Variants in CACNA2D1 observed in about 807,000 individuals in gnomAD.
The protein encoded by CACNA2D1 is calcium voltage-gated channel auxiliary subunit alpha2delta 1, also known as voltage-dependent calcium channel subunit alpha-2/delta-1.
A neutral mutation model predicts 171.5 loss-of-function variants in CACNA2D1; 53 were observed. That is an observed-to-expected ratio of 0.31 (90% CI 0.25 to 0.39). The LOEUF is 0.39. CACNA2D1 is among the 10% of genes least tolerant of loss of function. The pLI is 1.00. For synonymous variants in CACNA2D1, 442 were observed against 443.1 expected (o/e 1.00, Z 0.03); for missense variants, 903 against 1,299.8 (o/e 0.69, Z 4.69).
intron 4 of CACNA2D1, among the ~76,000 whole-genome samples, chr7:82,138,155 T>C (rs1791897540): frequency 6.6e-6 from 1 of 152,116 alleles, no homozygotes; most frequent in African/African-American, 2.4e-5. Context: ...TTTCTCAGTT[T>C]ATTTACCACA....
intron 10 of CACNA2D1, among the ~76,000 whole-genome samples, chr7:82,040,664 G>C (rs1803844568): frequency 6.6e-6 from 1 of 152,058 alleles, no homozygotes; most frequent in African/African-American, 2.4e-5. Context: ...TGGAGACAGG[G>C]AAGATGGGGA....
intron 35 of CACNA2D1, 95 bp from the exon 36 acceptor site, chr7:81,962,118 A>AT (rs1291066198): frequency 2.5e-6 from 3 of 1,206,350 alleles, no homozygotes; most frequent in Non-Finnish European, 3.7e-6. Flanking sequence ...ACAGAGCAAA[A>AT]TAAACGTATA....
At chr7:82,186,780 T>C (rs1423618981) in intron 3 of CACNA2D1, among the ~76,000 whole-genome samples, 1 of 152,168 alleles carries the variant, frequency 6.6e-6, no homozygotes, top group Non-Finnish European at 1.5e-5. Context: ...ATCTATAATA[T>C]ATGATAGTAT....
At chr7:82,054,515 T>G (rs1427041708) in intron 10 of CACNA2D1, among the ~76,000 whole-genome samples, 1 of 152,228 alleles carries the variant, frequency 6.6e-6, no homozygotes, top group African/African-American at 2.4e-5. Flanking sequence ...TGTTTGAAGA[T>G]GAATCATTTA....
In CACNA2D1 at chr7:82,318,080, A is replaced by C. The variant is rs77315225; in HGVS notation, c.294+17055T>G. Reference sequence around the variant, plus strand: ...ACTAGTTGTAATTAAAAGTTGGTTAAATAAGCATGCCTTATGCTTAGAACT... The same window carrying C: ...ACTAGTTGTAATTAAAAGTTGGTTACATAAGCATGCCTTATGCTTAGAACT... On this transcript the variant is annotated intron_variant, in intron 3 of 38. Transcript: ENST00000356860. 4.1e-3 allele frequency among the ~76,000 whole-genome samples: 622 copies of C among 152,188 alleles called. 7 individuals are homozygous for C. The highest frequency in any genetic ancestry group is 0.014 in the African/African-American group (596 of 41,528).
chr7:82,164,509 G>A (rs1029140971), intron 4 of CACNA2D1, among the ~76,000 whole-genome samples: 15 of 151,950 alleles, frequency 9.9e-5, no homozygotes, highest in Admixed American at 5.9e-4. Flanking sequence ...TTATCAAAAG[G>A]TCTGAAAGTG....
chr7:82,360,564 T>C (rs1385653737), intron 1 of CACNA2D1, among the ~76,000 whole-genome samples: 1 of 152,190 alleles, frequency 6.6e-6, no homozygotes. Flanking sequence ...TTGATTCTGA[T>C]ATTATTTATA....
At chr7:82,251,036 A>G (rs60726900) in intron 3 of CACNA2D1, among the ~76,000 whole-genome samples, 5,562 of 152,290 alleles carry the variant, frequency 0.037, 234 homozygotes, top group East Asian at 0.1. Flanking sequence ...GTCATATGAC[A>G]CATAACAAGT....
chr7:82,163,327 G>C (rs192827866), intron 4 of CACNA2D1, among the ~76,000 whole-genome samples: 2 of 152,074 alleles, frequency 1.3e-5, no homozygotes, highest in East Asian at 3.9e-4. Context: ...AGACATGAAA[G>C]TATATAGCAA....
chr7:82,052,859 T>C (rs992149632), intron 10 of CACNA2D1, among the ~76,000 whole-genome samples: 6 of 152,314 alleles, frequency 3.9e-5, no homozygotes, highest in African/African-American at 1.4e-4. Context: ...TTTCTACTGT[T>C]TTCTTATCCG....
At chr7:82,091,571 G>A (rs771046072) in intron 6 of CACNA2D1, among the ~76,000 whole-genome samples, 7 of 152,274 alleles carry the variant, frequency 4.6e-5, no homozygotes, top group Admixed American at 3.9e-4. Context: ...CAAGGGTAAT[G>A]CAAGGGGAAT....
At chr7:82,131,992 C>CTTTTTTTAAAGA (rs1791040574) in intron 5 of CACNA2D1, among the ~76,000 whole-genome samples, 1 of 151,982 alleles carries the variant, frequency 6.6e-6, no homozygotes, top group African/African-American at 2.4e-5. Context: ...AAGTAACAAT[C>CTTTTTTTAAAGA]TTTTTTTAAA....
chr7:82,436,255 CTATT>C (rs1391318965), intron 1 of CACNA2D1, among the ~76,000 whole-genome samples: 1 of 152,092 alleles, frequency 6.6e-6, no homozygotes, highest in Non-Finnish European at 1.5e-5. Context: ...ATAAAATGTA[CTATT>C]TATTTAGAAG....
intron 1 of CACNA2D1, among the ~76,000 whole-genome samples, chr7:82,355,756 T>C (rs547051146): frequency 6.6e-6 from 1 of 152,028 alleles, no homozygotes; most frequent in African/African-American, 2.4e-5. Flanking sequence ...TCAGCATCTG[T>C]CTTTGATTTT....
At chr7:82,148,124 C>T (rs2129102617) in intron 4 of CACNA2D1, among the ~76,000 whole-genome samples, 1 of 152,166 alleles carries the variant, frequency 6.6e-6, no homozygotes, top group South Asian at 2.1e-4. Context: ...TAACTTTATG[C>T]TGGCATCACT....
intron 18 of CACNA2D1, among the ~76,000 whole-genome samples, chr7:82,004,805 G>GA (rs1368640404): frequency 1.3e-5 from 2 of 152,142 alleles, no homozygotes; most frequent in Non-Finnish European, 2.9e-5. Context: ...GGTAATTTGT[G>GA]AAAATATCTT....
At chr7:82,019,476 CTTGAT>C (rs1265369352) in intron 12 of CACNA2D1, among the ~76,000 whole-genome samples, 1 of 152,148 alleles carries the variant, frequency 6.6e-6, no homozygotes, top group African/African-American at 2.4e-5. Context: ...CTCTGGCCTA[CTTGAT>C]TTGAGAAGAC....
Position 82,179,527 on chromosome 7 carries a change from C to A in CACNA2D1, c.295-8918G>T, listed in dbSNP as rs543902771. 2.0e-5 allele frequency among the ~76,000 whole-genome samples: 3 copies of A among 152,194 alleles called. No individual in the cohort carries two copies. The East Asian group carries it at 5.8e-4, about 29-fold the overall frequency. On this transcript the variant is annotated intron_variant, in intron 3 of 38. Transcript: ENST00000356860. ...CACACTAATTCCAAAGGCCTTCAAT[C>A]ACTTTGCATAACAACCAAATTGCCT...
At chr7:82,187,289 T>C (rs1342068730) in intron 3 of CACNA2D1, among the ~76,000 whole-genome samples, 1 of 152,192 alleles carries the variant, frequency 6.6e-6, no homozygotes, top group Non-Finnish European at 1.5e-5. Context: ...ATTACTCATT[T>C]GCAGTTTAAA....
Sources: allele counts gnomAD v4.1 joint callset (sites outside exome capture counted in the v4.1 genomes callset), GRCh38; gene constraint gnomAD v4.1.1; transcripts MANE v1.5; gene names NCBI Gene and HGNC (gene_info 2026-07-23, HGNC 2026-07-21).